Variants in CNTRL observed in about 807,000 individuals in gnomAD.
CNTRL encodes the protein 110 kDa centrosomal protein.
In CNTRL, 233 loss-of-function variants were observed where a neutral mutation model predicts 303.7. The observed-to-expected ratio is 0.77, with a 90% CI of 0.69 to 0.86. The LOEUF (loss-of-function observed/expected upper bound fraction) is 0.86, where lower values mean the gene tolerates loss of function less well. Ranked by LOEUF, CNTRL falls within the 40% of genes least tolerant of loss-of-function variation. The pLI, the probability that CNTRL is intolerant of heterozygous loss-of-function variation, is 0.00. For synonymous variants in CNTRL, 900 were observed against 922.2 expected (o/e 0.98, Z 0.44); for missense variants, 2,524 against 2,650.6 (o/e 0.95, Z 1.05).
intron 41 of CNTRL, 38 bp downstream of exon 41, chr9:121,173,547 T>G: frequency 6.2e-7 from 1 of 1,610,346 alleles, no homozygotes; most frequent in Non-Finnish European, 8.5e-7. Context: ...GTTCGTAGGA[T>G]TGACCACCTC....
In CNTRL at chr9:121,144,935, T is replaced by C; in HGVS notation, c.3144T>C (p.Asn1048=). ...AAGCTGAGATCGAACTCCTGCAGAATCTCCTCAGGCAGAAGGGGGAGCAGG... is the reference window on the plus strand; with the variant it reads ...AAGCTGAGATCGAACTCCTGCAGAACCTCCTCAGGCAGAAGGGGGAGCAGG... ...RAEAEIELLQ[N]LLRQKGEQFR... Residue 1048 remains asparagine, a synonymous_variant, in exon 21 of 44, where the codon AAT becomes AAC. Coordinates refer to ENST00000373855, the MANE Select transcript of CNTRL (RefSeq NM_007018.6). 6.2e-7 allele frequency: 1 copy of C among 1,613,422 alleles called. No homozygotes were observed.
rs371942028 is a variant in CNTRL, at chr9:121,173,725, A to G, written c.6735A>G (p.Glu2245=). The stretch of plus-strand genomic sequence containing the variant: ...TCCGGGAGAAACTGCGTCACCGGGA[A>G]GACCGACTCAAGGTTGCCCTTTAAA... ...EALREKLRHR[E]DRLKAQLRHC... is the part of the protein sequence containing the mutation. Residue 2245 remains glutamate (E), a synonymous_variant, in exon 42 of 44, where the codon GAA becomes GAG. Transcript: ENST00000373855. 5.6e-6 allele frequency: 9 copies of G among 1,614,142 alleles called. No homozygotes were observed. Among genetic ancestry groups the G allele is most frequent in the Non-Finnish European group, 7.6e-6 (9 of 1,179,986 alleles).
chr9:121,108,555 CT>C (rs577205059), intron 8 of CNTRL, among the ~76,000 whole-genome samples: 120 of 150,982 alleles, frequency 7.9e-4, no homozygotes, highest in Middle Eastern at 3.4e-3. Flanking sequence ...GAAGTTTTTG[CT>C]TTTTTTTTCT....
chr9:121,109,427 A>T (rs1315026196), intron 8 of CNTRL, among the ~76,000 whole-genome samples: 1 of 152,264 alleles, frequency 6.6e-6, no homozygotes, highest in East Asian at 1.9e-4. Flanking sequence ...ATATGTGTAC[A>T]TGCATGTATA....
At chr9:121,177,042 C>A in intron 43 of CNTRL, 121 bp from the exon 44 acceptor site, 1 of 756,598 alleles carries the variant, frequency 1.3e-6, no homozygotes, top group South Asian at 1.7e-5. Flanking sequence ...CATCTTAAAA[C>A]ATTTTTCCAA....
Position 121,115,138 on chromosome 9 carries a change from C to G in CNTRL, c.1393C>G (p.Gln465Glu), listed in dbSNP as rs1458589521. 1 of 1,610,064 alleles carries G rather than the reference C, an allele frequency of 6.2e-7. No homozygotes were observed. The highest frequency in any genetic ancestry group is 1.1e-5 in the South Asian group (1 of 90,434). The stretch of plus-strand genomic sequence containing the variant: ...GCATGATGAAATAGAAAAGGCAGAA[C>G]AACAAATTTTGAGAGCTACTGAAGA... ...ELHDEIEKAEQQILRATEEFK... is the reference protein window; with the variant it reads ...ELHDEIEKAEEQILRATEEFK... The change falls in exon 11 of 44, where the codon CAA becomes GAA. Residue 465 changes from glutamine to glutamate, a missense_variant. By Grantham distance (29) the Gln-to-Glu change is conservative (BLOSUM62 2). Transcript: ENST00000373855.
intron 1 of CNTRL, among the ~76,000 whole-genome samples, chr9:121,077,491 G>T (rs1414653220): frequency 6.6e-6 from 1 of 152,180 alleles, no homozygotes; most frequent in Non-Finnish European, 1.5e-5. Flanking sequence ...CTCTGAGACT[G>T]ATTACGTCTA....
rs540198542 is a variant in CNTRL, at chr9:121,168,482, G to C, written c.6070+161G>C. On this transcript the variant is annotated intron_variant, in intron 38 of 43. Coordinates refer to ENST00000373855, the MANE Select transcript of CNTRL (RefSeq NM_007018.6). ...TGATAGCCCTGTGAAAGATGAGGAA[G>C]CAGGTTCAGAGGAGATACAATCCTG... 2.7e-4 allele frequency among the ~76,000 whole-genome samples: 41 copies of C among 152,300 alleles called. No homozygotes were observed. In the South Asian group the frequency reaches 2.9e-3, roughly 11 times the overall value.
intron 31 of CNTRL, 127 bp from the exon 32 acceptor site, chr9:121,160,016 A>G (rs2052771841): frequency 3.2e-6 from 2 of 615,662 alleles, no homozygotes; most frequent in Non-Finnish European, 5.1e-6. Flanking sequence ...TTGACATAAA[A>G]GGCAAAAATG....
At chr9:121,160,452 T>G in intron 32 of CNTRL, 150 bp downstream of exon 32, 30 of 337,262 alleles carry the variant, frequency 8.9e-5, no homozygotes, top group Non-Finnish European at 1.1e-4. Flanking sequence ...AGGAATATGA[T>G]ATTTTCTGCC....
In CNTRL at chr9:121,131,771, G is replaced by C. The variant is rs555331595; in HGVS notation, c.2026-4035G>C. On this transcript the variant is annotated intron_variant, in intron 14 of 43. Transcript: ENST00000373855. ...GGCATGTTTTTGCAGTGGCTGGTAC[G>C]GGTTGTTCCTTTCCATGTTTAGTGC... Among the ~76,000 whole-genome samples the C allele has an allele frequency of 1.5e-3, 233 of 152,226 alleles. 2 individuals are homozygous for C. The highest frequency in any genetic ancestry group is 4.6e-3 in the African/African-American group (191 of 41,538).
At chr9:121,170,996 G>A (rs1377062486) in intron 39 of CNTRL, among the ~76,000 whole-genome samples, 1 of 152,174 alleles carries the variant, frequency 6.6e-6, no homozygotes, top group Non-Finnish European at 1.5e-5. Context: ...GGTTAGTGGA[G>A]CCCTGTTGTA....
At chr9:121,092,721 CTA>C (rs1231040783) in intron 4 of CNTRL, among the ~76,000 whole-genome samples, 125 of 10,064 alleles carry the variant, frequency 0.012, 39 homozygotes, top group African/African-American at 0.017. Context: ...TAATATATAT[CTA>C]TATATATATA....
At position 121,150,499 on chromosome 9, in the gene CNTRL, T is replaced by C. The variant is rs762758344; in HGVS notation, c.3963+16T>C. The stretch of plus-strand genomic sequence containing the variant: ...CCATAACTTAGTAAGTGGAAAGACA[T>C]ACAACTCTCTTTCCACACTGCTTCC... On this transcript the variant is annotated intron_variant, in intron 25 of 43. Transcript: ENST00000373855. The C allele has an allele frequency of 1.9e-6, 3 of 1,607,620 alleles. No individual in the cohort carries two copies. The African/African-American group carries it at 4.0e-5, about 21-fold the overall frequency.
chr9:121,167,418 C>A, intron 36 of CNTRL, 71 bp from the exon 37 acceptor site: 1 of 1,242,386 alleles, frequency 8.0e-7, no homozygotes, highest in Non-Finnish European at 1.1e-6. Flanking sequence ...TTAGTAGATA[C>A]TGGATTGGCA....
chr9:121,113,597 C>T lies in CNTRL; in HGVS notation c.1218C>T (p.Asp406=). The part of the protein sequence containing the change: ...NMFATESYII[D]SAQAVQIKKM... ...TTGCCACAGAGAGTTATATTATTGA[C>T]AGTGCTCAGGCAGTACAGATCAAGA... Residue 406 remains aspartate, a synonymous_variant, in exon 10 of 44, where the codon GAC becomes GAT. Coordinates refer to ENST00000373855, the MANE Select transcript of CNTRL (RefSeq NM_007018.6). 2 of 1,609,256 alleles carry T rather than the reference C, an allele frequency of 1.2e-6. No individual in the cohort carries two copies. The highest frequency in any genetic ancestry group is 1.7e-6 in the Non-Finnish European group (2 of 1,178,476).
intron 7 of CNTRL, among the ~76,000 whole-genome samples, chr9:121,102,427 C>A (rs1332173320): frequency 1.3e-5 from 2 of 152,016 alleles, no homozygotes; most frequent in Non-Finnish European, 2.9e-5. Context: ...TATGAGAAAC[C>A]CACAGCCAAT....
chr9:121,154,945 C>G lies in CNTRL; in HGVS notation c.4365+32C>G, dbSNP rs777504065. The G allele has an allele frequency of 7.0e-6, 11 of 1,577,908 alleles. No individual in the cohort carries two copies. The South Asian group carries it at 1.2e-4, about 17-fold the overall frequency. ...CTTCTTGTGGTTTGGGGTGTGAGCT[C>G]AGTGTGGGTGAGTCAGCTTACTGTC... On this transcript the variant is annotated intron_variant, in intron 27 of 43. Coordinates refer to ENST00000373855, the MANE Select transcript of CNTRL (RefSeq NM_007018.6).
chr9:121,081,868 C>G (rs1393839234), intron 2 of CNTRL, among the ~76,000 whole-genome samples: 1 of 152,196 alleles, frequency 6.6e-6, no homozygotes, highest in Non-Finnish European at 1.5e-5. Context: ...TTTAGCTGCT[C>G]TCCCCTCCTT....
Sources: gnomAD v4.1 joint callset for allele counts (sites outside exome capture counted in the v4.1 genomes callset) on GRCh38, gnomAD v4.1.1 for gene constraint, MANE v1.5 for transcripts, NCBI Gene and HGNC (gene_info 2026-07-23, HGNC 2026-07-21) for gene names.